ZBTB7A: variants seen among roughly 807,000 people sequenced by gnomAD.
ZBTB7A encodes zinc finger and BTB domain containing 7A.
A neutral mutation model predicts 26.7 loss-of-function variants in ZBTB7A; 7 were observed. The observed-to-expected ratio is 0.26, with a 90% CI of 0.15 to 0.49. The LOEUF is 0.49. Ranked by LOEUF, ZBTB7A falls within the 20% of genes least tolerant of loss-of-function variation. The pLI, the probability that ZBTB7A is intolerant of heterozygous loss-of-function variation, is 0.98. For synonymous variants in ZBTB7A, 452 were observed against 441.0 expected (o/e 1.02, Z -0.31); for missense variants, 617 against 919.5 (o/e 0.67, Z 4.25).
chr19:4,052,936 G>T lies in ZBTB7A; in HGVS notation c.1262+1035C>A, dbSNP rs1466184587. Among the ~76,000 whole-genome samples the T allele has an allele frequency of 6.6e-6, 1 of 152,128 alleles. No homozygotes were observed. Among genetic ancestry groups the T allele is most frequent in the Non-Finnish European group, 1.5e-5 (1 of 68,024 alleles). On this transcript the variant is annotated intron_variant, in intron 2 of 2. Transcript: ENST00000322357. The surrounding 1 kb of genome is among the most constrained non-coding windows in gnomAD (Gnocchi z 4.9). ...CTCCCCTCCTTCAGGTTCCGGCAAG[G>T]CCTGTCCCCGGCGCCTAGAACAGGC...
intron 1 of ZBTB7A, among the ~76,000 whole-genome samples, chr19:4,058,979 G>C (rs2040612107): frequency 6.6e-6 from 1 of 152,202 alleles, no homozygotes; most frequent in Non-Finnish European, 1.5e-5. Flanking sequence ...TGTGGCTGCT[G>C]GGAGCAGGGA....
chr19:4,058,242 C>A (rs1308247315), intron 1 of ZBTB7A, among the ~76,000 whole-genome samples: 1 of 152,212 alleles, frequency 6.6e-6, no homozygotes, highest in Non-Finnish European at 1.5e-5. Context: ...CGGGGGAACC[C>A]CTGTCCACCT....
At chr19:4,058,051 G>A (rs945468882) in intron 1 of ZBTB7A, among the ~76,000 whole-genome samples, 5 of 152,192 alleles carry the variant, frequency 3.3e-5, no homozygotes, top group Non-Finnish European at 5.9e-5. Flanking sequence ...GGCAGCCCAG[G>A]CACGGGGACC....
chr19:4,065,717 C>G (rs2040688574), intron 1 of ZBTB7A: 1 of 137,654 alleles, frequency 7.3e-6, no homozygotes, highest in South Asian at 2.2e-4. Flanking sequence ...GCCGCCCTCC[C>G]CGGGGAGCGC....
rs1310378777 is a variant in ZBTB7A at position 4,054,198 on chromosome 19, G to A, written c.1035C>T (p.Asp345=). The A allele has an allele frequency of 6.3e-6, 10 of 1,591,558 alleles. No homozygotes were observed. In the East Asian group the frequency reaches 2.0e-4, roughly 32 times the overall value. The change falls in exon 2 of 3, where the codon GAC becomes GAT. Residue 345 remains aspartate, a synonymous_variant. Coordinates refer to ENST00000322357, the MANE Select transcript of ZBTB7A (RefSeq NM_015898.4). ...TCAGGTAGTAGTCCATGACGCCCTT[G>A]TCGTCGGCCCGCGACTCCTCGTCGC... ...GDSDEESRAD[D]KGVMDYYLKY...
chr19:4,056,760 G>A (rs556289069), intron 1 of ZBTB7A, among the ~76,000 whole-genome samples: 1 of 151,850 alleles, frequency 6.6e-6, no homozygotes, highest in Non-Finnish European at 1.5e-5. Flanking sequence ...CCAGCTACTC[G>A]GGAGGCTGAG....
At position 4,046,114 on chromosome 19, in the gene ZBTB7A, G is replaced by A. The variant is rs2040413412; in HGVS notation, c.*1638C>T. On this transcript the variant is annotated 3_prime_UTR_variant, in exon 3 of 3. Coordinates refer to ENST00000322357, the MANE Select transcript of ZBTB7A (RefSeq NM_015898.4). ...GGGAGGAGGAAGGAGAGACCCCGTG[G>A]ACAGAAGCGGGCGCTAAGACCTCTT... 2.5e-6 allele frequency: 1 copy of A among 399,008 alleles called. No individual in the cohort carries two copies. The highest frequency in any genetic ancestry group is 4.4e-6 in the Non-Finnish European group (1 of 226,080). The allele number at this position is 399,008 out of a possible 1,614,324, so 24.7% of individuals were successfully genotyped here.
Position 4,047,142 on chromosome 19 carries a change from T to A in ZBTB7A, c.*610A>T, listed in dbSNP as rs1251856617. 6.6e-6 allele frequency: 1 copy of A among 151,378 alleles called. No individual in the cohort carries two copies. Among genetic ancestry groups the A allele is most frequent in the East Asian group, 1.9e-4 (1 of 5,140 alleles). 9.4% of individuals were successfully genotyped at this position (151,378 alleles called of 1,614,324 possible). ...CGACGGGGGGAGGCCGCAGGCAGGG[T>A]TGGAGGCGGGGAGGCCACTGGGGAG... On this transcript the variant is annotated 3_prime_UTR_variant, in exon 3 of 3. Coordinates refer to ENST00000322357, the MANE Select transcript of ZBTB7A (RefSeq NM_015898.4).
At position 4,047,647 on chromosome 19, in the gene ZBTB7A, A is replaced by C; in HGVS notation, c.*105T>G. The C allele has an allele frequency of 8.4e-7, 1 of 1,197,304 alleles. No individual in the cohort carries two copies. Among genetic ancestry groups the C allele is most frequent in the Non-Finnish European group, 1.2e-6 (1 of 868,284 alleles). The allele number at this position is 1,197,304 out of a possible 1,614,324, so 74.2% of individuals were successfully genotyped here. A position where few individuals can be genotyped will look rare whatever the true frequency, so the allele number is the denominator to read the frequency against. On this transcript the variant is annotated 3_prime_UTR_variant, in exon 3 of 3. Transcript: ENST00000322357. ...TATATATAGATATAGATATCTGTATATAGATAGATTTTCTTTTTTTGTGTT... is the reference window on the plus strand; with the variant it reads ...TATATATAGATATAGATATCTGTATCTAGATAGATTTTCTTTTTTTGTGTT...
At position 4,048,106 on chromosome 19, in the gene ZBTB7A, C is replaced by G; in HGVS notation, c.1401G>C (p.Gln467His). Residue 467 changes from glutamine to histidine, a missense_variant, in exon 3 of 3, where the codon CAG becomes CAC. Physicochemically the swap from Gln to His is conservative, Grantham distance 24. This residue lies in a region of ZBTB7A where 41 missense variants were observed against 167.6 expected (regional missense o/e 0.24). Transcript: ENST00000322357. The surrounding 1 kb of genome is among the most constrained non-coding windows in gnomAD (Gnocchi z 6.7). ...CGAAGGTCTTGCAGCAGCTGTCGCA[C>G]TGGTAGGGGCGCAGGCCCGTGTGCA... ...MRVHTGLRPYQCDSCCKTFVR... is the reference protein window; with the variant it reads ...MRVHTGLRPYHCDSCCKTFVR... The G allele has an allele frequency of 6.2e-7, 1 of 1,610,684 alleles. No homozygotes were observed. The highest frequency in any genetic ancestry group is 8.5e-7 in the Non-Finnish European group (1 of 1,178,990).
At chr19:4,055,387 C>T (rs752165308) in intron 1 of ZBTB7A, 140 bp from the exon 2 acceptor site, 3 of 1,389,812 alleles carry the variant, frequency 2.2e-6, no homozygotes, top group South Asian at 1.7e-5. Context: ...CACGTGAAGG[C>T]GGTCAGATGT....
chr19:4,059,055 T>C (rs915849096), intron 1 of ZBTB7A, among the ~76,000 whole-genome samples: 10 of 152,236 alleles, frequency 6.6e-5, no homozygotes, highest in Middle Eastern at 3.4e-3. Context: ...TCCCCTTTGG[T>C]GGTGTCCACC....
intron 2 of ZBTB7A, among the ~76,000 whole-genome samples, chr19:4,050,239 T>G (rs1242658719): frequency 6.6e-6 from 1 of 152,070 alleles, no homozygotes; most frequent in Non-Finnish European, 1.5e-5. Flanking sequence ...TTTGTATTTT[T>G]AATGGAGACA....
chr19:4,054,536 C>G lies in ZBTB7A; in HGVS notation c.697G>C (p.Asp233His). 3 of 1,446,868 alleles carry G rather than the reference C, an allele frequency of 2.1e-6. No homozygotes were observed. The highest frequency in any genetic ancestry group is 1.8e-6 in the Non-Finnish European group (2 of 1,110,778). The allele number at this position is 1,446,868 out of a possible 1,614,324, so 89.6% of individuals were successfully genotyped here. A position where few individuals can be genotyped will look rare whatever the true frequency, so the allele number is the denominator to read the frequency against. ...GGGTTGCTGTCGCCCTCGTCCCCGT[C>G]CCCCGTCGGGGGCCGCTCGGCCGGG... Reference protein sequence around the residue: ...GPPAERPPTGDGDEGDSNPGL... With the variant: ...GPPAERPPTGHGDEGDSNPGL... The change falls in exon 2 of 3, where the codon GAC (aspartate) becomes CAC (histidine). Residue 233 changes from aspartate (D) to histidine (H), a missense_variant. Transcript: ENST00000322357.
At chr19:4,058,545 G>A (rs894120955) in intron 1 of ZBTB7A, among the ~76,000 whole-genome samples, 4 of 152,062 alleles carry the variant, frequency 2.6e-5, no homozygotes, top group African/African-American at 9.7e-5. Flanking sequence ...GGGAGCCCCT[G>A]GCGGCCCCGA....
In ZBTB7A at chr19:4,054,211, G is replaced by A. The variant is rs981634430; in HGVS notation, c.1022C>T (p.Ser341Leu). The A allele has an allele frequency of 1.3e-6, 2 of 1,588,140 alleles. No homozygotes were observed. The highest frequency in any genetic ancestry group is 2.2e-5 in the East Asian group (1 of 44,642). The change falls in exon 2 of 3, where the codon TCG becomes TTG. Residue 341 changes from serine (S) to leucine (L), a missense_variant. Physicochemically the swap from Ser to Leu is moderately radical, Grantham distance 145. Around this residue, in one of 5 missense-constraint regions of ZBTB7A, gnomAD observed 331 missense variants for 391.3 expected, o/e 0.85. Transcript: ENST00000322357. ...GAAAGDSDEE[S>L]RADDKGVMDY... ...CATGACGCCCTTGTCGTCGGCCCGC[G>A]ACTCCTCGTCGCTGTCCCCCGCCGC...
chr19:4,055,388 G>A (rs755657227), intron 1 of ZBTB7A, 141 bp from the exon 2 acceptor site: 276 of 1,390,742 alleles, frequency 2.0e-4, no homozygotes, highest in Non-Finnish European at 2.4e-4. Flanking sequence ...ACGTGAAGGC[G>A]GTCAGATGTC....
Position 4,060,341 on chromosome 19 carries a change from C to T in ZBTB7A, c.-15-5094G>A, listed in dbSNP as rs564954873. Among the ~76,000 whole-genome samples the T allele has an allele frequency of 8.5e-5, 13 of 152,340 alleles. No individual in the cohort carries two copies. The South Asian group carries it at 2.3e-3, about 27-fold the overall frequency. On this transcript the variant is annotated intron_variant, in intron 1 of 2. Coordinates refer to ENST00000322357, the MANE Select transcript of ZBTB7A (RefSeq NM_015898.4). ...AGAAGCAGGGGGCTGTGCAGCCTGC[C>T]GGTCCCACCTCCCATCTAACCTAAG...
In ZBTB7A at chr19:4,055,036, C is replaced by A; in HGVS notation, c.197G>T (p.Gly66Val). 1 of 1,610,676 alleles carries A rather than the reference C, an allele frequency of 6.2e-7. No individual in the cohort carries two copies. Among genetic ancestry groups the A allele is most frequent in the South Asian group, 1.1e-5 (1 of 90,984 alleles). The change falls in exon 2 of 3, where the codon GGC becomes GTC. Residue 66 changes from glycine (G) to valine (V), a missense_variant. Physicochemically the swap from Gly to Val is moderately radical, Grantham distance 109 (BLOSUM62 -3). Transcript: ENST00000322357. ...CACGTTCTGCTGGTCCACCACGGCG[C>A]CCGACGTGAACAGCTTCTTGAAGTA... ...SQYFKKLFTSGAVVDQQNVYE... is the reference protein window; with the variant it reads ...SQYFKKLFTSVAVVDQQNVYE...
Sources: gnomAD v4.1 joint callset for allele counts (sites outside exome capture counted in the v4.1 genomes callset) on GRCh38, gnomAD v4.1.1 for gene constraint, gnomAD v4.1.1 regional missense constraint, Gnocchi (gnomAD v3.1) non-coding constraint, MANE v1.5 for transcripts, NCBI Gene and HGNC (gene_info 2026-07-23, HGNC 2026-07-21) for gene names.